The following CHD1 variants were observed in gnomAD, a reference collection of about 807,000 sequenced individuals.
CHD1 encodes the protein chromodomain helicase DNA binding protein 1.
Under a neutral mutation model 224.2 loss-of-function variants are expected in CHD1, and 36 were observed. The ratio of observed to expected loss-of-function variants is 0.16; its 90% CI spans 0.12 to 0.21. The LOEUF is 0.21. CHD1 is among the 10% of genes least tolerant of loss of function. CHD1 has a pLI of 1.00. For synonymous variants in CHD1, 668 were observed against 658.3 expected (o/e 1.01, Z -0.23); for missense variants, 1,378 against 1,994.8 (o/e 0.69, Z 5.89).
Position 98,873,710 on chromosome 5 carries a change from C to T in CHD1, c.3454G>A (p.Ala1152Thr), listed in dbSNP as rs1188390938. Residue 1152 changes from alanine to threonine, a missense_variant, in exon 26 of 36, where the codon GCT becomes ACT. Coordinates refer to ENST00000614616, the MANE Select transcript of CHD1 (RefSeq NM_001270.4). Reference protein sequence around the residue: ...GGPLERLDAIARDAELVDKSE... With the variant: ...GGPLERLDAITRDAELVDKSE... ...TTATCAACTAACTCAGCATCTCGAG[C>T]AATTGCATCTAATCTGTAACAAAAT... The T allele has an allele frequency of 1.2e-6, 2 of 1,607,358 alleles. No individual in the cohort carries two copies. The highest frequency in any genetic ancestry group is 1.3e-5 in the African/African-American group (1 of 74,748).
At position 98,901,039 on chromosome 5, in the gene CHD1, T is replaced by G. The variant is rs766387618; in HGVS notation, c.631A>C (p.Arg211=). 1 of 1,606,562 alleles carries G rather than the reference T, an allele frequency of 6.2e-7. No homozygotes were observed. The highest frequency in any genetic ancestry group is 8.5e-7 in the Non-Finnish European group (1 of 1,177,924). ...NGKKILGQKK[R]QIDSSEEDDD... ...TCCTCCTCAGATGAATCAATCTGTC[T>G]CTTTTTTTGTCCAAGAATCTTCTTT... The change falls in exon 7 of 36, where the codon AGA becomes CGA. Residue 211 remains arginine, a synonymous_variant. Transcript: ENST00000614616.
intron 5 of CHD1, 51 bp from the exon 6 acceptor site, chr5:98,901,386 T>C: frequency 7.0e-7 from 1 of 1,436,306 alleles, no homozygotes; most frequent in South Asian, 1.3e-5. Context: ...ATGGCAAGTT[T>C]TATCCCTAAT....
At position 98,856,540 on chromosome 5, in the gene CHD1, T is replaced by C; in HGVS notation, c.4973A>G (p.Tyr1658Cys). 1 of 1,613,926 alleles carries C rather than the reference T, an allele frequency of 6.2e-7. No individual in the cohort carries two copies. Among genetic ancestry groups the C allele is most frequent in the Non-Finnish European group, 8.5e-7 (1 of 1,179,838 alleles). The change falls in exon 36 of 36, where the codon TAT (tyrosine) becomes TGT (cysteine). Residue 1658 changes from tyrosine to cysteine, a missense_variant. Tyr to Cys is a radical substitution (Grantham distance 194). Around this residue, in one of 16 missense-constraint regions of CHD1, gnomAD observed 278 missense variants for 298.5 expected, o/e 0.93. Transcript: ENST00000614616. ...EYTHHKSSRD[Y>C]RYHSDWQMDH... is the part of the protein sequence containing the mutation. ...CATTTGCCAGTCTGAGTGATACCTA[T>C]AATCCCTGGAAGATTTATGGTGCGT... is the stretch of plus-strand genomic sequence containing the variant.
At chr5:98,905,164 G>C in intron 2 of CHD1, 66 bp from the exon 3 acceptor site, 1 of 1,584,502 alleles carries the variant, frequency 6.3e-7, no homozygotes, top group Non-Finnish European at 8.6e-7. Flanking sequence ...TTAGACGTCA[G>C]CAGAAAGCCC....
intron 24 of CHD1, 36 bp from the exon 25 acceptor site, chr5:98,875,149 C>G (rs759146804): frequency 3.3e-6 from 4 of 1,227,372 alleles, no homozygotes; most frequent in Non-Finnish European, 4.7e-6. Context: ...ATGTGAGCTT[C>G]AGTATTCACT....
Position 98,897,333 on chromosome 5 carries a change from T to C in CHD1, c.1366-13A>G. On this transcript the variant is annotated splice_polypyrimidine_tract_variant and intron_variant, in intron 10 of 35. Transcript: ENST00000614616. Reference sequence around the variant, plus strand: ...TTTGTTTTAATACCTTTAGTAGAAATAAACATTATTATGTAGAGTTATTAA... The same window carrying C: ...TTTGTTTTAATACCTTTAGTAGAAACAAACATTATTATGTAGAGTTATTAA... 1 of 1,540,962 alleles carries C rather than the reference T, an allele frequency of 6.5e-7. No individual in the cohort carries two copies.
intron 7 of CHD1, 113 bp from the exon 8 acceptor site, chr5:98,899,818 T>C (rs1751575901): frequency 8.9e-6 from 6 of 674,610 alleles, no homozygotes; most frequent in Non-Finnish European, 1.5e-5. Flanking sequence ...TTAAATAAAG[T>C]ATTGGGGGTA....
intron 18 of CHD1, chr5:98,883,841 ATATATATATATATATATATATTT>A (rs1421490610): frequency 2.5e-4 from 12 of 48,588 alleles, no homozygotes; most frequent in South Asian, 1.6e-3. Context: ...ATATATATAT[ATATATATATATATATATATATTT>A]TTTTTTTTTT....
At chr5:98,862,028 G>A (rs2112459325) in intron 32 of CHD1, among the ~76,000 whole-genome samples, 1 of 152,142 alleles carries the variant, frequency 6.6e-6, no homozygotes, top group East Asian at 1.9e-4. Flanking sequence ...CTGGTAGCGT[G>A]GGCCTGTAGT....
chr5:98,869,285 GT>G (rs1181107004), intron 30 of CHD1: 10 of 986,402 alleles, frequency 1.0e-5, no homozygotes, highest in Non-Finnish European at 1.2e-5. Context: ...ATCCTGGAAA[GT>G]GCAAGTATGG....
chr5:98,870,929 T>C (rs1278328817), intron 28 of CHD1, 126 bp from the exon 29 acceptor site: 1 of 490,994 alleles, frequency 2.0e-6, no homozygotes, highest in Non-Finnish European at 3.5e-6. Context: ...TTAATATTTG[T>C]AGGAATAAAC....
At chr5:98,925,597 T>C (rs1294765068) in intron 2 of CHD1, among the ~76,000 whole-genome samples, 1 of 152,204 alleles carries the variant, frequency 6.6e-6, no homozygotes, top group East Asian at 1.9e-4. Flanking sequence ...TGTAAACTAA[T>C]GTGCAGATAA....
intron 31 of CHD1, among the ~76,000 whole-genome samples, chr5:98,867,975 GTT>G (rs370858234): frequency 6.6e-6 from 1 of 150,914 alleles, no homozygotes; most frequent in Admixed American, 6.6e-5. Context: ...GTTAATTTTT[GTT>G]TTTTTTCTTA....
At chr5:98,881,498 C>T (rs1366219715) in intron 20 of CHD1, 123 bp from the exon 21 acceptor site, 1 of 531,532 alleles carries the variant, frequency 1.9e-6, no homozygotes, top group African/African-American at 2.0e-5. Flanking sequence ...TTAGACAAAT[C>T]AAGTATTAGA....
chr5:98,892,089 C>T (rs1324849163), intron 15 of CHD1, among the ~76,000 whole-genome samples: 2 of 152,128 alleles, frequency 1.3e-5, no homozygotes, highest in Non-Finnish European at 1.5e-5. Context: ...TTTGAAAAGT[C>T]CTACTGTATA....
chr5:98,873,867 C>T, intron 25 of CHD1, 144 bp from the exon 26 acceptor site: 1 of 594,206 alleles, frequency 1.7e-6, no homozygotes, highest in Non-Finnish European at 2.7e-6. Context: ...GCAGGAAACA[C>T]ATAAAAACCA....
Position 98,926,540 on chromosome 5 carries a change from G to T in CHD1, c.-148-6C>A. On this transcript the variant is annotated splice_region_variant and splice_polypyrimidine_tract_variant and intron_variant, in intron 1 of 35. Transcript: ENST00000614616. ...GGGACTCTCCTTTGATTCACCTAAAGAAAATATATTAATAAATTAACAAAA... is the reference window on the plus strand; with the variant it reads ...GGGACTCTCCTTTGATTCACCTAAATAAAATATATTAATAAATTAACAAAA... 2.4e-6 allele frequency: 1 copy of T among 417,444 alleles called. No individual in the cohort carries two copies. The allele number at this position is 417,444 out of a possible 1,614,324, so 25.9% of individuals were successfully genotyped here.
chr5:98,859,158 A>G, intron 33 of CHD1, 143 bp from the exon 34 acceptor site: 1 of 533,954 alleles, frequency 1.9e-6, no homozygotes, highest in Non-Finnish European at 3.3e-6. Flanking sequence ...TACATGTATG[A>G]CATTTATAGA....
chr5:98,868,270 T>C (rs933491089), intron 31 of CHD1, among the ~76,000 whole-genome samples: 3 of 141,650 alleles, frequency 2.1e-5, no homozygotes, highest in Admixed American at 7.6e-5. Context: ...GAAGCCGCAA[T>C]GGGCCGTGAC....
Sources: allele counts gnomAD v4.1 joint callset (sites outside exome capture counted in the v4.1 genomes callset), GRCh38; gene constraint gnomAD v4.1.1; regional missense constraint gnomAD v4.1.1; transcripts MANE v1.5; gene names NCBI Gene and HGNC (gene_info 2026-07-23, HGNC 2026-07-21).